ACCS: variants seen among roughly 807,000 people sequenced by gnomAD.
The protein encoded by ACCS is 1-aminocyclopropane-1-carboxylate synthase-like protein 1.
In ACCS, 42 loss-of-function variants were observed where a neutral mutation model predicts 59.8. The observed-to-expected ratio is 0.70, with a 90% confidence interval of 0.55 to 0.91. ACCS has a LOEUF of 0.91. Among genes scored for constraint, ACCS ranks in the 40% least tolerant of loss-of-function variants. The probability of loss-of-function intolerance (pLI) is 0.00; values close to 1 mark genes in which losing one functional copy is unlikely to be tolerated. For missense variants in ACCS, 602 were observed against 630.4 expected, an observed-to-expected ratio of 0.95 and a Z score of 0.48; for synonymous variants, 230 against 240.3, an observed-to-expected ratio of 0.96 and a Z score of 0.40.
At chr11:44,074,065 G>A (rs1301840189) in intron 4 of ACCS, among the ~76,000 whole-genome samples, 1 of 152,144 alleles carries the variant, frequency 6.6e-6, no homozygotes, top group African/African-American at 2.4e-5. Flanking sequence ...TTCTAGTGTA[G>A]TAATCAGGGT....
intron 3 of ACCS, among the ~76,000 whole-genome samples, chr11:44,071,897 G>T (rs1451067858): frequency 1.3e-5 from 2 of 152,202 alleles, no homozygotes; most frequent in Non-Finnish European, 2.9e-5. Flanking sequence ...TTCATTGTCA[G>T]TTTATATTAA....
At chr11:44,082,857 C>T (rs935725182) in intron 12 of ACCS, among the ~76,000 whole-genome samples, 2 of 152,158 alleles carry the variant, frequency 1.3e-5, no homozygotes, top group Non-Finnish European at 2.9e-5. Flanking sequence ...TACAGAGCAT[C>T]ACTCTGGAAC....
chr11:44,079,580 G>C lies in ACCS; in HGVS notation c.883G>C (p.Glu295Gln), dbSNP rs781178326. ...TGAGGTCTACATGCTGTCCGTGTTTGAGAAGTCTGTTGGGTACCGCAGTGT... is the reference window on the plus strand; with the variant it reads ...TGAGGTCTACATGCTGTCCGTGTTTCAGAAGTCTGTTGGGTACCGCAGTGT... ...VDEVYMLSVF[E>Q]KSVGYRSVLS... Residue 295 changes from glutamate (E) to glutamine (Q), a missense_variant, in exon 10 of 15, where the codon GAG becomes CAG. By Grantham distance (29) the Glu-to-Gln change is conservative. Transcript: ENST00000263776. 1.2e-6 allele frequency: 2 copies of C among 1,612,304 alleles called. No homozygotes were observed. The highest frequency in any genetic ancestry group is 1.7e-6 in the Non-Finnish European group (2 of 1,179,586).
At position 44,083,860 on chromosome 11, in the gene ACCS, G is replaced by C. The variant is rs12421167; in HGVS notation, c.*68G>C. 3 of 1,548,188 alleles carry C rather than the reference G, an allele frequency of 1.9e-6. No individual in the cohort carries two copies. In the African/African-American group the frequency reaches 4.1e-5, roughly 21 times the overall value. ...GGACCTGGGGCGTTCTGGGGCTGCA[G>C]AAGACTGACTGTGGATGTGCCATTT... is the stretch of plus-strand genomic sequence containing the variant. On this transcript the variant is annotated 3_prime_UTR_variant, in exon 15 of 15. Transcript: ENST00000263776.
chr11:44,079,466 C>T lies in ACCS; in HGVS notation c.834-65C>T, dbSNP rs965271704. 110 of 1,400,698 alleles carry T rather than the reference C, an allele frequency of 7.9e-5. No individual in the cohort carries two copies. The African/African-American group carries it at 1.3e-3, about 17-fold the overall frequency. 86.8% of individuals were successfully genotyped at this position (1,400,698 alleles called of 1,614,324 possible). On this transcript the variant is annotated intron_variant, in intron 9 of 14. Coordinates refer to ENST00000263776, the MANE Select transcript of ACCS (RefSeq NM_032592.4). ...TCTGGATTTCTGATGTATTACCTCCCCACCCTGTGGGACGCATCTGCCCTA... is the reference window on the plus strand; with the variant it reads ...TCTGGATTTCTGATGTATTACCTCCTCACCCTGTGGGACGCATCTGCCCTA...
In ACCS at chr11:44,081,263, T is replaced by C. The variant is rs758894706; in HGVS notation, c.1054T>C (p.Tyr352His). The C allele has an allele frequency of 1.2e-5, 19 of 1,614,134 alleles. No individual in the cohort carries two copies. In the East Asian group the frequency reaches 3.6e-4, roughly 30 times the overall value. Residue 352 changes from tyrosine (Y) to histidine (H), a missense_variant, in exon 12 of 15, where the codon TAC becomes CAC. By Grantham distance (83) the Tyr-to-His change is moderately conservative (BLOSUM62 2). Transcript: ENST00000263776. ...CACTGCCGTGGCTTCCCTCTGCCGC[T>C]ACCACGGCCTCAGTGGCTTGGTCCA... The part of the protein sequence containing the change: ...VATAVASLCR[Y>H]HGLSGLVQYQ...
In ACCS at chr11:44,075,533, T is replaced by TC; in HGVS notation, c.499dup (p.Leu167ProfsTer17). The TC allele has an allele frequency of 6.2e-7, 1 of 1,614,196 alleles. No homozygotes were observed. The stretch of plus-strand genomic sequence containing the variant: ...TGGATATGTCGCCCTTAGGTGGTTG[T>TC]CCTGAATGGTGGTGCCTCGCTCTTC... On this transcript the variant is annotated frameshift_variant, in exon 6 of 15. Transcript: ENST00000263776. LOFTEE classifies it high-confidence loss of function.
chr11:44,074,807 CTTCTCT>C, intron 5 of ACCS, 126 bp downstream of exon 5: 1 of 243,326 alleles, frequency 4.1e-6, no homozygotes, highest in Non-Finnish European at 5.7e-6. Flanking sequence ...TCCTTCCTTC[CTTCTCT>C]TTTTTTTTTT....
chr11:44,080,642 A>G (rs1226482275), intron 10 of ACCS: 2 of 244,852 alleles, frequency 8.2e-6, no homozygotes, highest in Non-Finnish European at 8.0e-6. Flanking sequence ...TATGGCCATC[A>G]TGAATGCTAA....
At chr11:44,076,188 C>T (rs1195565585) in intron 6 of ACCS, among the ~76,000 whole-genome samples, 1 of 152,224 alleles carries the variant, frequency 6.6e-6, no homozygotes, top group Non-Finnish European at 1.5e-5. Flanking sequence ...AGCCAGCCAG[C>T]ATTGCCTGCT....
chr11:44,067,679 C>T lies in ACCS; in HGVS notation c.52C>T (p.Pro18Ser). 2 of 1,614,062 alleles carry T rather than the reference C, an allele frequency of 1.2e-6. No homozygotes were observed. The highest frequency in any genetic ancestry group is 1.7e-6 in the Non-Finnish European group (2 of 1,179,968). ...DFRAPTTCLG[P>S]TCMQDLGSSH... ...CAGGGCTCCCACCACCTGTCTGGGC[C>T]CCACCTGCATGCAGGACCTGGGCAG... The change falls in exon 2 of 15, where the codon CCC becomes TCC. Residue 18 changes from proline to serine, a missense_variant. Pro to Ser is a moderately conservative substitution (Grantham distance 74, BLOSUM62 -1). Coordinates refer to ENST00000263776, the MANE Select transcript of ACCS (RefSeq NM_032592.4).
chr11:44,074,489 A>G, intron 4 of ACCS, 123 bp from the exon 5 acceptor site: 1 of 773,168 alleles, frequency 1.3e-6, no homozygotes, highest in South Asian at 1.6e-5. Flanking sequence ...ATACACCCAC[A>G]CCCCATCATG....
At position 44,074,689 on chromosome 11, in the gene ACCS, GC is replaced by G; in HGVS notation, c.489+13del. ...CCCCTCAGACCAGAGAATGTGAGTG[GC>G]CCCCTCCACTGCTCCTTCCTGTTCT... On this transcript the variant is annotated intron_variant, in intron 5 of 14. Coordinates refer to ENST00000263776, the MANE Select transcript of ACCS (RefSeq NM_032592.4). 6.4e-7 allele frequency: 1 copy of G among 1,572,806 alleles called. No individual in the cohort carries two copies. Among genetic ancestry groups the G allele is most frequent in the South Asian group, 1.1e-5 (1 of 87,646 alleles).
chr11:44,067,809 C>A lies in ACCS; in HGVS notation c.182C>A (p.Ser61Tyr). 6.2e-7 allele frequency: 1 copy of A among 1,614,092 alleles called. No homozygotes were observed. The highest frequency in any genetic ancestry group is 8.5e-7 in the Non-Finnish European group (1 of 1,180,006). Residue 61 changes from serine to tyrosine, a missense_variant, in exon 2 of 15, where the codon TCC (serine) becomes TAC (tyrosine). Transcript: ENST00000263776. Reference sequence around the variant, plus strand: ...CCTGCCATGATCTCCTCTGATACCTCCTACCTGTCCTCTAGAGGAAGAATG... The same window carrying A: ...CCTGCCATGATCTCCTCTGATACCTACTACCTGTCCTCTAGAGGAAGAATG... ...GDPAMISSDT[S>Y]YLSSRGRMIK...
intron 9 of ACCS, 88 bp from the exon 10 acceptor site, chr11:44,079,443 T>A: frequency 9.0e-7 from 1 of 1,113,886 alleles, no homozygotes. Flanking sequence ...CCGGCCCCTC[T>A]GGATTTCTGA....
chr11:44,075,896 C>T lies in ACCS; in HGVS notation c.556+304C>T. The T allele has an allele frequency of 2.0e-5, 6 of 296,794 alleles. No individual in the cohort carries two copies. The East Asian group carries it at 3.4e-4, about 17-fold the overall frequency. The allele number at this position is 296,794 out of a possible 1,614,324, so 18.4% of individuals were successfully genotyped here. A position where few individuals can be genotyped will look rare whatever the true frequency, so the allele number is the denominator to read the frequency against. On this transcript the variant is annotated intron_variant, in intron 6 of 14. Coordinates refer to ENST00000263776, the MANE Select transcript of ACCS (RefSeq NM_032592.4). ...TAGAGCAGGAAGAAAGGGATGTGGT[C>T]GTGCCGTGCCTGTCTCTTTTTTATC...
At chr11:44,079,951 T>G (rs1953561688) in intron 10 of ACCS, among the ~76,000 whole-genome samples, 3 of 152,052 alleles carry the variant, frequency 2.0e-5, no homozygotes, top group Non-Finnish European at 4.4e-5. Context: ...TACTCATTCA[T>G]GCTCTCATTC....
rs527680240 is a variant in ACCS, at chr11:44,076,799, A to T, written c.557-480A>T. ...CCTGAGACTGGGTAATTTATAAAGG[A>T]AAGAGGTTTAATGGATTCACAGTTC... On this transcript the variant is annotated intron_variant, in intron 6 of 14. Transcript: ENST00000263776. 2.6e-5 allele frequency among the ~76,000 whole-genome samples: 4 copies of T among 152,354 alleles called. No homozygotes were observed. The East Asian group carries it at 7.7e-4, about 29-fold the overall frequency.
chr11:44,080,992 C>T, intron 10 of ACCS, 28 bp from the exon 11 acceptor site: 1 of 1,614,066 alleles, frequency 6.2e-7, no homozygotes, highest in South Asian at 1.1e-5. Context: ...TCTGTGTTGC[C>T]TCTGTTCCCA....
Sources: gnomAD v4.1 joint callset for allele counts (sites outside exome capture counted in the v4.1 genomes callset) on GRCh38, gnomAD v4.1.1 for gene constraint, MANE v1.5 for transcripts, NCBI Gene and HGNC (gene_info 2026-07-23, HGNC 2026-07-21) for gene names.